Variants in CUTA observed in about 807,000 individuals in gnomAD.
CUTA encodes protein CutA.
A neutral mutation model predicts 20.7 loss-of-function variants in CUTA; 21 were observed. The ratio of observed to expected loss-of-function variants is 1.01; its 90% CI spans 0.72 to 1.46. The LOEUF (loss-of-function observed/expected upper bound fraction) is 1.46. Ranked by LOEUF, CUTA falls within the 40% of genes most tolerant of loss-of-function variation. The pLI is 0.00. For missense variants in CUTA, 231 were observed against 226.8 expected, an observed-to-expected ratio of 1.02 and a Z score of -0.12; for synonymous variants, 99 against 97.9, an observed-to-expected ratio of 1.01 and a Z score of -0.07.
Position 33,417,133 on chromosome 6 carries a change from C to A in CUTA, c.327G>T (p.Trp109Cys), listed in dbSNP as rs1315416766. ...LIPQITSIYE[W>C]KGKIEEDSEV... The stretch of plus-strand genomic sequence containing the variant: ...CACTGTCTTCCTCGATCTTCCCTTT[C>A]CACTCATAGCTGAAAGGTCAGAGGG... Residue 109 changes from tryptophan to cysteine, a missense_variant, in exon 4 of 6, where the codon TGG (tryptophan) becomes TGT (cysteine). Trp to Cys is a radical substitution (Grantham distance 215). Transcript: ENST00000488034. 6.2e-7 allele frequency: 1 copy of A among 1,611,122 alleles called. No homozygotes were observed. The highest frequency in any genetic ancestry group is 1.7e-5 in the Admixed American group (1 of 59,860).
Position 33,417,949 on chromosome 6 carries a change from G to T in CUTA, c.42+10C>A, listed in dbSNP as rs370365686. The T allele has an allele frequency of 3.9e-5, 61 of 1,583,604 alleles. No individual in the cohort carries two copies. In the African/African-American group the frequency reaches 7.5e-4, roughly 20 times the overall value. On this transcript the variant is annotated intron_variant, in intron 1 of 5. Coordinates refer to ENST00000488034, the MANE Select transcript of CUTA (RefSeq NM_001014840.2). ...GGACCGGAAGGGGCGGGGCGGGGCC[G>T]GTCACTCACCACTCCGCCGAGCAGG...
At position 33,417,267 on chromosome 6, in the gene CUTA, G is replaced by T. The variant is rs1415429944; in HGVS notation, c.301C>A (p.Pro101Thr). The T allele has an allele frequency of 1.2e-6, 2 of 1,614,052 alleles. No homozygotes were observed. The highest frequency in any genetic ancestry group is 1.3e-5 in the African/African-American group (1 of 74,924). ...ATGACTCACATGGATGTAATCTGAG[G>T]GATGAGGTTGACGCAGGCTGCTAGG... is the stretch of plus-strand genomic sequence containing the variant. Reference protein sequence around the residue: ...KRLAACVNLIPQITSIYEWKG... With the variant: ...KRLAACVNLITQITSIYEWKG... Residue 101 changes from proline (P) to threonine (T), a missense_variant, in exon 3 of 6, where the codon CCT becomes ACT. Physicochemically the swap from Pro to Thr is conservative, Grantham distance 38. Transcript: ENST00000488034.
At chr6:33,416,824 A>G (rs1192267151) in intron 5 of CUTA, 48 bp from the exon 6 acceptor site, 1 of 1,608,194 alleles carries the variant, frequency 6.2e-7, no homozygotes, top group East Asian at 2.2e-5. Flanking sequence ...AGATTTACCC[A>G]AAAGAACCCA....
At chr6:33,417,373 C>T (rs1776573519) in intron 2 of CUTA, 63 bp from the exon 3 acceptor site, 4 of 1,612,432 alleles carry the variant, frequency 2.5e-6, no homozygotes, top group African/African-American at 1.3e-5. Flanking sequence ...ACTGGCAGCC[C>T]AGAGACAGGC....
rs750036170 is a variant in CUTA, at chr6:33,418,012, TG to T, written c.-13del. 1.2e-6 allele frequency: 2 copies of T among 1,613,862 alleles called. No homozygotes were observed. Among genetic ancestry groups the T allele is most frequent in the Admixed American group, 3.3e-5 (2 of 60,022 alleles). On this transcript the variant is annotated 5_prime_UTR_variant, in exon 1 of 6. Transcript: ENST00000488034. The surrounding 1 kb of genome is among the most constrained non-coding windows in gnomAD (Gnocchi z 5.7). ...CGCCCCCCACTCATGCGGCCTACGC[TG>T]GTACAGGAGAGTTGATCTCAAAGGC...
At position 33,418,020 on chromosome 6, in the gene CUTA, G is replaced by A. The variant is rs528369904; in HGVS notation, c.-20C>T. 3.7e-6 allele frequency: 6 copies of A among 1,614,056 alleles called. No homozygotes were observed. In the Admixed American group the frequency reaches 5.0e-5, roughly 13 times the overall value. On this transcript the variant is annotated 5_prime_UTR_variant, in exon 1 of 6. Coordinates refer to ENST00000488034, the MANE Select transcript of CUTA (RefSeq NM_001014840.2). The surrounding 1 kb of genome is among the most constrained non-coding windows in gnomAD (Gnocchi z 5.7). ...ACTCATGCGGCCTACGCTGGTACAG[G>A]AGAGTTGATCTCAAAGGCCACACGT...
Position 33,417,138 on chromosome 6 carries a change from C to T in CUTA, c.322G>A (p.Glu108Lys), listed in dbSNP as rs1562862208. 8 of 1,611,306 alleles carry T rather than the reference C, an allele frequency of 5.0e-6. No individual in the cohort carries two copies. The highest frequency in any genetic ancestry group is 1.3e-5 in the African/African-American group (1 of 74,862). Residue 108 changes from glutamate (E) to lysine (K), a missense_variant, in exon 4 of 6, where the codon GAG becomes AAG. By Grantham distance (56) the Glu-to-Lys change is moderately conservative. Coordinates refer to ENST00000488034, the MANE Select transcript of CUTA (RefSeq NM_001014840.2). ...TCTTCCTCGATCTTCCCTTTCCACT[C>T]ATAGCTGAAAGGTCAGAGGGGGAGA... ...NLIPQITSIY[E>K]WKGKIEEDSE...
At chr6:33,417,845 A>T (rs2151117340) in intron 1 of CUTA, 114 bp downstream of exon 1, 1 of 1,546,658 alleles carries the variant, frequency 6.5e-7, no homozygotes, top group African/African-American at 1.4e-5. Context: ...CTTGGAAAAT[A>T]AAGCAAAAGC....
In CUTA at chr6:33,418,051, G is replaced by C. The variant is rs369286601; in HGVS notation, c.-51C>G. On this transcript the variant is annotated 5_prime_UTR_variant, in exon 1 of 6. Coordinates refer to ENST00000488034, the MANE Select transcript of CUTA (RefSeq NM_001014840.2). The surrounding 1 kb of genome is among the most constrained non-coding windows in gnomAD (Gnocchi z 5.7). ...TGATCTCAAAGGCCACACGTCACAC[G>C]GAGAAACAACCCCAGGAAGAGCGGC... is the stretch of plus-strand genomic sequence containing the variant. 6.2e-7 allele frequency: 1 copy of C among 1,614,170 alleles called. No individual in the cohort carries two copies. The highest frequency in any genetic ancestry group is 8.5e-7 in the Non-Finnish European group (1 of 1,180,030).
chr6:33,416,782 A>G lies in CUTA; in HGVS notation c.414-6T>C. On this transcript the variant is annotated splice_region_variant and splice_polypyrimidine_tract_variant and intron_variant, in intron 5 of 5. Transcript: ENST00000488034. The stretch of plus-strand genomic sequence containing the variant: ...CTTCGTAAGGGTGCACAGAACTACA[A>G]AATAGGTGGGTGGGGGAAGGGGATC... 1 of 1,613,736 alleles carries G rather than the reference A, an allele frequency of 6.2e-7. No individual in the cohort carries two copies. Among genetic ancestry groups the G allele is most frequent in the Non-Finnish European group, 8.5e-7 (1 of 1,179,702 alleles).
At chr6:33,417,222 AG>A in intron 3 of CUTA, 28 bp downstream of exon 3, 1 of 1,613,794 alleles carries the variant, frequency 6.2e-7, no homozygotes, top group Non-Finnish European at 8.5e-7. Flanking sequence ...TCCTACAGTT[AG>A]GTTAACCCCC....
chr6:33,416,612 A>C lies in CUTA; in HGVS notation c.*38T>G. On this transcript the variant is annotated 3_prime_UTR_variant, in exon 6 of 6. Coordinates refer to ENST00000488034, the MANE Select transcript of CUTA (RefSeq NM_001014840.2). The stretch of plus-strand genomic sequence containing the variant: ...CCTGGAAGTCAGAAGGCGTTGAAGT[A>C]TCGCGGGGATCTTCATGATGAGCAG... 1.7e-6 allele frequency: 2 copies of C among 1,200,332 alleles called. No homozygotes were observed. Among genetic ancestry groups the C allele is most frequent in the Non-Finnish European group, 2.5e-6 (2 of 803,130 alleles). 74.4% of individuals were successfully genotyped at this position (1,200,332 alleles called of 1,614,324 possible).
At position 33,417,138 on chromosome 6, in the gene CUTA, C is replaced by G. The variant is rs1562862208; in HGVS notation, c.322G>C (p.Glu108Gln). The change falls in exon 4 of 6, where the codon GAG becomes CAG. Residue 108 changes from glutamate to glutamine, a missense_variant. Coordinates refer to ENST00000488034, the MANE Select transcript of CUTA (RefSeq NM_001014840.2). ...NLIPQITSIY[E>Q]WKGKIEEDSE... ...TCTTCCTCGATCTTCCCTTTCCACT[C>G]ATAGCTGAAAGGTCAGAGGGGGAGA... 1.2e-6 allele frequency: 2 copies of G among 1,611,424 alleles called. No individual in the cohort carries two copies. Among genetic ancestry groups the G allele is most frequent in the South Asian group, 2.2e-5 (2 of 90,876 alleles).
chr6:33,416,831 C>T lies in CUTA; in HGVS notation c.414-55G>A, dbSNP rs1284997495. On this transcript the variant is annotated intron_variant, in intron 5 of 5. Coordinates refer to ENST00000488034, the MANE Select transcript of CUTA (RefSeq NM_001014840.2). ...TCACTCAAAGATTTACCCAAAAGAA[C>T]CCACTCCCTTACACGCAAGCCCTAG... 8 of 1,606,026 alleles carry T rather than the reference C, an allele frequency of 5.0e-6. No individual in the cohort carries two copies. The East Asian group carries it at 6.7e-5, about 13-fold the overall frequency.
Position 33,416,610 on chromosome 6 carries a change from G to A in CUTA, c.*40C>T. 1 of 1,185,068 alleles carries A rather than the reference G, an allele frequency of 8.4e-7. No homozygotes were observed. Among genetic ancestry groups the A allele is most frequent in the Non-Finnish European group, 1.3e-6 (1 of 789,526 alleles). The allele number at this position is 1,185,068 out of a possible 1,614,324, so 73.4% of individuals were successfully genotyped here. ...CACCTGGAAGTCAGAAGGCGTTGAA[G>A]TATCGCGGGGATCTTCATGATGAGC... On this transcript the variant is annotated 3_prime_UTR_variant, in exon 6 of 6. Transcript: ENST00000488034.
At position 33,417,608 on chromosome 6, in the gene CUTA, T is replaced by C. The variant is rs755849573; in HGVS notation, c.130A>G (p.Met44Val). Residue 44 changes from methionine to valine, a missense_variant, in exon 2 of 6, where the codon ATG becomes GTG. Met to Val is a conservative substitution (Grantham distance 21). Coordinates refer to ENST00000488034, the MANE Select transcript of CUTA (RefSeq NM_001014840.2). ...TGGGTCGGAGGGCTTCCAGAGGCCA[T>C]GGTCAGCAAGACTCGGGGTAGCAAC... Reference protein sequence around the residue: ...LLLLPRVLLTMASGSPPTQPS... With the variant: ...LLLLPRVLLTVASGSPPTQPS... 5 of 1,614,054 alleles carry C rather than the reference T, an allele frequency of 3.1e-6. No homozygotes were observed. Among genetic ancestry groups the C allele is most frequent in the Non-Finnish European group, 4.2e-6 (5 of 1,180,014 alleles).
chr6:33,417,959 C>T lies in CUTA; in HGVS notation c.42G>A (p.Val14=). The T allele has an allele frequency of 1.3e-6, 2 of 1,593,790 alleles. No homozygotes were observed. The highest frequency in any genetic ancestry group is 1.8e-5 in the Admixed American group (1 of 55,776). ...GGGCGGGGCGGGGCCGGTCACTCACCACTCCGCCGAGCAGGACCGCGGGAG... is the reference window on the plus strand; with the variant it reads ...GGGCGGGGCGGGGCCGGTCACTCACTACTCCGCCGAGCAGGACCGCGGGAG... The part of the protein sequence containing the change: ...GRAPAVLLGG[V]ASLLLSFVWM... The change falls in exon 1 of 6, where the codon GTG becomes GTA. Residue 14 remains valine, a splice_region_variant and synonymous_variant. Coordinates refer to ENST00000488034, the MANE Select transcript of CUTA (RefSeq NM_001014840.2).
rs1392852676 is a variant in CUTA at position 33,417,138 on chromosome 6, CAT to C, written c.320_321del (p.Tyr107Ter). 3.7e-6 allele frequency: 6 copies of C among 1,611,306 alleles called. No individual in the cohort carries two copies. Among genetic ancestry groups the C allele is most frequent in the Admixed American group, 1.7e-5 (1 of 59,868 alleles). On this transcript the variant is annotated frameshift_variant and splice_region_variant, in exon 4 of 6. Transcript: ENST00000488034. LOFTEE classifies it high-confidence loss of function. The part of the protein sequence containing the change: ...VNLIPQITSI[Y>X]EWKGKIEEDS... ...TCTTCCTCGATCTTCCCTTTCCACT[CAT>C]AGCTGAAAGGTCAGAGGGGGAGAGT...
Position 33,417,375 on chromosome 6 carries a change from G to A in CUTA, c.258-65C>T, listed in dbSNP as rs1310704162. ...CCCCAGTTTTTGTACTGGCAGCCCA[G>A]AGACAGGCTTCCAGAGCTGGAGAAA... On this transcript the variant is annotated intron_variant, in intron 2 of 5. Transcript: ENST00000488034. The A allele has an allele frequency of 3.7e-6, 6 of 1,612,410 alleles. No individual in the cohort carries two copies. The East Asian group carries it at 8.9e-5, about 24-fold the overall frequency.
Sources: gnomAD v4.1 joint callset for allele counts on GRCh38, gnomAD v4.1.1 for gene constraint, Gnocchi (gnomAD v3.1) non-coding constraint, MANE v1.5 for transcripts, NCBI Gene and HGNC (gene_info 2026-07-23, HGNC 2026-07-21) for gene names.